Variants in PDE8B observed in about 807,000 individuals in gnomAD.
PDE8B encodes phosphodiesterase 8B.
Under a neutral mutation model 101.3 loss-of-function variants are expected in PDE8B, and 26 were observed. That is an observed-to-expected ratio of 0.26 (90% CI 0.19 to 0.36). PDE8B has a LOEUF of 0.36. PDE8B is among the 10% of genes least tolerant of loss of function. The probability of loss-of-function intolerance (pLI) is 1.00; values close to 1 mark genes in which losing one functional copy is unlikely to be tolerated. For missense variants in PDE8B, 810 were observed against 1,163.1 expected (o/e 0.70, Z 4.42); for synonymous variants, 424 against 429.3 (o/e 0.99, Z 0.15).
intron 1 of PDE8B, among the ~76,000 whole-genome samples, chr5:77,219,724 T>A (rs1327048071): frequency 6.6e-6 from 1 of 152,156 alleles, no homozygotes; most frequent in Non-Finnish European, 1.5e-5. Flanking sequence ...AAAAATGGAT[T>A]GACAGTCTTG....
chr5:77,426,253 C>T lies in PDE8B; in HGVS notation c.2549-192C>T, dbSNP rs530933257. 4.8e-5 allele frequency: 30 copies of T among 629,212 alleles called. No homozygotes were observed. The African/African-American group carries it at 5.0e-4, about 10-fold the overall frequency. 39.0% of individuals were successfully genotyped at this position (629,212 alleles called of 1,614,324 possible). A position where few individuals can be genotyped will look rare whatever the true frequency, so the allele number is the denominator to read the frequency against. Reference sequence around the variant, plus strand: ...ATCACAGGTTCTTCTGATAATGTCACTGATAAGCAGCTTTTCAAAAAGGAC... The same window carrying T: ...ATCACAGGTTCTTCTGATAATGTCATTGATAAGCAGCTTTTCAAAAAGGAC... On this transcript the variant is annotated intron_variant, in intron 21 of 21. Coordinates refer to ENST00000264917, the MANE Select transcript of PDE8B (RefSeq NM_003719.5).
chr5:77,238,204 T>C (rs1235749297), intron 1 of PDE8B, among the ~76,000 whole-genome samples: 1 of 152,214 alleles, frequency 6.6e-6, no homozygotes, highest in Non-Finnish European at 1.5e-5. Context: ...TGAAATTCCA[T>C]GACATGATTT....
At chr5:77,422,613 T>C (rs1057119231) in intron 20 of PDE8B, among the ~76,000 whole-genome samples, 1 of 152,188 alleles carries the variant, frequency 6.6e-6, no homozygotes, top group African/African-American at 2.4e-5. Flanking sequence ...TAGTTCACTT[T>C]AATTGTAGCA....
At chr5:77,159,540 T>C in the PDE8B span, among the ~76,000 whole-genome samples, 2 of 152,216 alleles carry the variant, frequency 1.3e-5, no homozygotes, top group Non-Finnish European at 2.9e-5. Context: ...CAACCTACTG[T>C]GGGACCTTGT....
chr5:77,128,713 A>G, the PDE8B span, among the ~76,000 whole-genome samples: 1 of 152,372 alleles, frequency 6.6e-6, no homozygotes, highest in Non-Finnish European at 1.5e-5. Context: ...TCAGCACACG[A>G]AACATCATCA....
chr5:77,209,945 G>A (rs549467460), upstream of PDE8B, among the ~76,000 whole-genome samples: 1 of 152,296 alleles, frequency 6.6e-6, no homozygotes, highest in South Asian at 2.1e-4. Context: ...CATGGAATGG[G>A]CTTCTTCTGA....
intron 1 of PDE8B, among the ~76,000 whole-genome samples, chr5:77,228,808 G>A (rs1378762884): frequency 4.6e-5 from 7 of 152,194 alleles, no homozygotes; most frequent in African/African-American, 9.7e-5. Flanking sequence ...CACAGTCCAA[G>A]TTGTGGTTTC....
intron 1 of PDE8B, among the ~76,000 whole-genome samples, chr5:77,265,004 G>A (rs1035185749): frequency 6.6e-6 from 1 of 152,168 alleles, no homozygotes; most frequent in Non-Finnish European, 1.5e-5. Context: ...CAGGGTACTA[G>A]ATGTTCAGGT....
chr5:77,160,560 A>G, the PDE8B span, among the ~76,000 whole-genome samples: 1 of 152,060 alleles, frequency 6.6e-6, no homozygotes, highest in Admixed American at 6.6e-5. Flanking sequence ...TCTTTTTCAT[A>G]TTTATTGTCT....
chr5:77,317,216 C>A (rs922267466), intron 2 of PDE8B, among the ~76,000 whole-genome samples: 3 of 152,110 alleles, frequency 2.0e-5, no homozygotes, highest in African/African-American at 7.2e-5. Flanking sequence ...ACTAACATTG[C>A]AATTGACTTA....
chr5:77,252,097 T>C (rs1758177949), intron 1 of PDE8B, among the ~76,000 whole-genome samples: 6 of 152,212 alleles, frequency 3.9e-5, no homozygotes, highest in Admixed American at 3.9e-4. Flanking sequence ...TGTGGGGTGT[T>C]GTCTGGTGAC....
chr5:77,266,371 A>G (rs1203003397), intron 1 of PDE8B, among the ~76,000 whole-genome samples: 1 of 152,018 alleles, frequency 6.6e-6, no homozygotes, highest in East Asian at 1.9e-4. Context: ...AGTTTTTCAC[A>G]TTTTTTGTGC....
chr5:77,284,519 A>C (rs1765613003), intron 1 of PDE8B, among the ~76,000 whole-genome samples: 1 of 152,196 alleles, frequency 6.6e-6, no homozygotes, highest in Admixed American at 6.5e-5. Context: ...ATGCAAACAA[A>C]AGTTTAAAAG....
the PDE8B span, among the ~76,000 whole-genome samples, chr5:77,171,774 G>A: frequency 2.4e-3 from 370 of 152,278 alleles, 3 homozygotes; most frequent in African/African-American, 8.0e-3. Context: ...AGCCAACAAT[G>A]GAACTTGGAA....
intron 1 of PDE8B, among the ~76,000 whole-genome samples, chr5:77,296,880 G>T (rs542393463): frequency 6.6e-6 from 1 of 152,152 alleles, no homozygotes; most frequent in African/African-American, 2.4e-5. Context: ...TCAACCCTCT[G>T]ATACTGGTGT....
At chr5:77,217,571 C>G (rs1039361204) in intron 1 of PDE8B, among the ~76,000 whole-genome samples, 1 of 151,018 alleles carries the variant, frequency 6.6e-6, no homozygotes. Flanking sequence ...AGGTCTCACT[C>G]TGTCACCAGG....
At chr5:77,261,432 C>T (rs1760556640) in intron 1 of PDE8B, among the ~76,000 whole-genome samples, 1 of 152,210 alleles carries the variant, frequency 6.6e-6, no homozygotes, top group Non-Finnish European at 1.5e-5. Context: ...CATTGCTTGA[C>T]AGCAGTTGAA....
At chr5:77,291,619 G>T in intron 1 of PDE8B, 1 of 1,597,590 alleles carries the variant, frequency 6.3e-7, no homozygotes, top group Non-Finnish European at 8.6e-7. Flanking sequence ...TCAGACTGTG[G>T]CACTGTAAAT....
chr5:77,223,995 T>G (rs1751784364), intron 1 of PDE8B, among the ~76,000 whole-genome samples: 1 of 152,206 alleles, frequency 6.6e-6, no homozygotes, highest in South Asian at 2.1e-4. Flanking sequence ...CATCCATACC[T>G]TCTAACACCT....
Sources: gnomAD v4.1 joint callset for allele counts (sites outside exome capture counted in the v4.1 genomes callset) on GRCh38, gnomAD v4.1.1 for gene constraint, MANE v1.5 for transcripts, NCBI Gene and HGNC (gene_info 2026-07-23, HGNC 2026-07-21) for gene names.